KCNQ1OT1: variants seen among roughly 807,000 people sequenced by gnomAD.
KCNQ1OT1 encodes the protein KCNQ1 antisense RNA 2 (non-protein coding).
At chr11:2,662,990 CTGGCCTTGCAAATCACT>C in exon 1 of KCNQ1OT1, 1 of 398,746 alleles carries the variant, frequency 2.5e-6, no homozygotes, top group Non-Finnish European at 4.4e-6. Flanking sequence ...GGTGCAAGGC[CTGGCCTTGCAAATCACT>C]GAGGAAATCG....
chr11:2,647,616 C>T lies in KCNQ1OT1; in HGVS notation n.52379G>A. On this transcript the variant is annotated non_coding_transcript_exon_variant, in exon 1 of 1. Coordinates refer to ENST00000597346, the Ensembl canonical transcript of KCNQ1OT1. This position sits in a 1 kb window ranked among gnomAD's most constrained non-coding sequence, Gnocchi z 4.0. Reference sequence around the variant, plus strand: ...GGTTTGGTAGAATTCAGTAGAAAACCCGTGCAATCCTGAGGTTTTCTTTAC... The same window carrying T: ...GGTTTGGTAGAATTCAGTAGAAAACTCGTGCAATCCTGAGGTTTTCTTTAC... 1 of 398,496 alleles carries T rather than the reference C, an allele frequency of 2.5e-6. No homozygotes were observed. The highest frequency in any genetic ancestry group is 4.4e-6 in the Non-Finnish European group (1 of 226,034). The allele number at this position is 398,496 out of a possible 1,614,324, so 24.7% of individuals were successfully genotyped here.
At chr11:2,684,546 C>A (rs1850452245) in exon 1 of KCNQ1OT1, 1 of 398,654 alleles carries the variant, frequency 2.5e-6, no homozygotes, top group Non-Finnish European at 4.4e-6. Flanking sequence ...ATATTTGATG[C>A]TTTCTCCATG....
Position 2,612,830 on chromosome 11 carries a change from T to A in KCNQ1OT1, n.87165A>T, listed in dbSNP as rs990061777. ...CATTTTTTTTGTTAAAAACTTACTT[T>A]AGATAATATATCGTAGAAACTCTGG... On this transcript the variant is annotated non_coding_transcript_exon_variant, in exon 1 of 1. Transcript: ENST00000597346. The surrounding 1 kb of genome is among the most constrained non-coding windows in gnomAD (Gnocchi z 5.5). 2 of 398,514 alleles carry A rather than the reference T, an allele frequency of 5.0e-6. No individual in the cohort carries two copies. Among genetic ancestry groups the A allele is most frequent in the Non-Finnish European group, 8.8e-6 (2 of 226,066 alleles). The allele number at this position is 398,514 out of a possible 1,614,324, so 24.7% of individuals were successfully genotyped here.
In KCNQ1OT1 at chr11:2,665,495, C is replaced by T. The variant is rs1850050994; in HGVS notation, n.34500G>A. 4 of 395,234 alleles carry T rather than the reference C, an allele frequency of 1.0e-5. No homozygotes were observed. In the South Asian group the frequency reaches 4.0e-4, roughly 39 times the overall value. The allele number at this position is 395,234 out of a possible 1,614,324, so 24.5% of individuals were successfully genotyped here. ...GGACGGTGCCATGCCTGTGTGCATC[C>T]CTGTGCCTTGCGTGTGGTAACCTGC... On this transcript the variant is annotated non_coding_transcript_exon_variant, in exon 1 of 1. Coordinates refer to ENST00000597346, the Ensembl canonical transcript of KCNQ1OT1.
Position 2,627,183 on chromosome 11 carries a change from A to T in KCNQ1OT1, n.72812T>A. On this transcript the variant is annotated non_coding_transcript_exon_variant, in exon 1 of 1. Transcript: ENST00000597346. The surrounding 1 kb of genome is among the most constrained non-coding windows in gnomAD (Gnocchi z 4.9). ...GTTTGTTATTCTTGATGCTTTTTTCAGCTTTTATTGAGGTATAATTGACAA... is the reference window on the plus strand; with the variant it reads ...GTTTGTTATTCTTGATGCTTTTTTCTGCTTTTATTGAGGTATAATTGACAA... 1 of 398,412 alleles carries T rather than the reference A, an allele frequency of 2.5e-6. No individual in the cohort carries two copies. The highest frequency in any genetic ancestry group is 4.4e-6 in the Non-Finnish European group (1 of 226,024). The allele number at this position is 398,412 out of a possible 1,614,324, so 24.7% of individuals were successfully genotyped here.
chr11:2,632,132 G>A (rs1038576999), exon 1 of KCNQ1OT1: 5 of 385,184 alleles, frequency 1.3e-5, no homozygotes, highest in Admixed American at 4.9e-5. Context: ...GCAGTGAGCC[G>A]AGATCGCGCC....
chr11:2,634,320 TCCCCC>T (rs1195451890), exon 1 of KCNQ1OT1: 21 of 165,106 alleles, frequency 1.3e-4, no homozygotes, highest in Non-Finnish European at 1.9e-4. Flanking sequence ...CCCTCCCCCC[TCCCCC>T]CTCCCCCCCC....
exon 1 of KCNQ1OT1, chr11:2,688,148 C>T (rs747252873): frequency 8.0e-5 from 32 of 398,786 alleles, no homozygotes; most frequent in African/African-American, 2.7e-4. Flanking sequence ...AGAGACCCCA[C>T]GCAGCTCCCT....
chr11:2,621,206 G>T lies in KCNQ1OT1; in HGVS notation n.78789C>A. ...TTGGCCAGGATGGTCTCGAATACCT[G>T]ACCCCAGATGATCCACGCACCTCAG... On this transcript the variant is annotated non_coding_transcript_exon_variant, in exon 1 of 1. Coordinates refer to ENST00000597346, the Ensembl canonical transcript of KCNQ1OT1. This position sits in a 1 kb window ranked among gnomAD's most constrained non-coding sequence, Gnocchi z 5.7. 2.5e-6 allele frequency: 1 copy of T among 397,674 alleles called. No homozygotes were observed. The highest frequency in any genetic ancestry group is 1.4e-4 in the South Asian group (1 of 7,130). The allele number at this position is 397,674 out of a possible 1,614,324, so 24.6% of individuals were successfully genotyped here. A position where few individuals can be genotyped will look rare whatever the true frequency, so the allele number is the denominator to read the frequency against.
chr11:2,681,004 T>C (rs1850387757), exon 1 of KCNQ1OT1: 2 of 398,576 alleles, frequency 5.0e-6, no homozygotes, highest in Non-Finnish European at 8.8e-6. Flanking sequence ...AGGTATGTGT[T>C]CTTTTATTAT....
Position 2,617,292 on chromosome 11 carries a change from C to A in KCNQ1OT1, n.82703G>T. On this transcript the variant is annotated non_coding_transcript_exon_variant, in exon 1 of 1. Coordinates refer to ENST00000597346, the Ensembl canonical transcript of KCNQ1OT1. This position sits in a 1 kb window ranked among gnomAD's most constrained non-coding sequence, Gnocchi z 4.6. ...CTATCTCTGTATATTTGACTTTTTT[C>A]TTTTTAAGATTCTACATATAGGTGA... 1 of 398,196 alleles carries A rather than the reference C, an allele frequency of 2.5e-6. No individual in the cohort carries two copies. The highest frequency in any genetic ancestry group is 4.4e-6 in the Non-Finnish European group (1 of 225,782). The allele number at this position is 398,196 out of a possible 1,614,324, so 24.7% of individuals were successfully genotyped here. A position where few individuals can be genotyped will look rare whatever the true frequency, so the allele number is the denominator to read the frequency against.
chr11:2,649,036 A>G (rs995465815), exon 1 of KCNQ1OT1: 1 of 344,334 alleles, frequency 2.9e-6, no homozygotes, highest in African/African-American at 3.1e-5. Context: ...CTACTCCTGC[A>G]TGCTTTTGGT....
At position 2,676,534 on chromosome 11, in the gene KCNQ1OT1, A is replaced by C. The variant is rs1850298019; in HGVS notation, n.23461T>G. On this transcript the variant is annotated non_coding_transcript_exon_variant, in exon 1 of 1. Coordinates refer to ENST00000597346, the Ensembl canonical transcript of KCNQ1OT1. The surrounding 1 kb of genome is among the most constrained non-coding windows in gnomAD (Gnocchi z 4.2). Reference sequence around the variant, plus strand: ...TGGACTTGGCAAAAGGCATAGAGGTAGTGGTACAGGAAAGGTCTAAGAAGG... The same window carrying C: ...TGGACTTGGCAAAAGGCATAGAGGTCGTGGTACAGGAAAGGTCTAAGAAGG... 4 of 398,556 alleles carry C rather than the reference A, an allele frequency of 1.0e-5. No homozygotes were observed. Among genetic ancestry groups the C allele is most frequent in the East Asian group, 7.1e-5 (2 of 28,096 alleles). The allele number at this position is 398,556 out of a possible 1,614,324, so 24.7% of individuals were successfully genotyped here. A position where few individuals can be genotyped will look rare whatever the true frequency, so the allele number is the denominator to read the frequency against.
At chr11:2,686,080 C>T (rs1850484999) in exon 1 of KCNQ1OT1, 1 of 399,038 alleles carries the variant, frequency 2.5e-6, no homozygotes. Context: ...ACAGGGCCAG[C>T]ATTGAGTAGG....
Position 2,620,880 on chromosome 11 carries a change from C to T in KCNQ1OT1, n.79115G>A, listed in dbSNP as rs886461193. 1 of 397,334 alleles carries T rather than the reference C, an allele frequency of 2.5e-6. No individual in the cohort carries two copies. The highest frequency in any genetic ancestry group is 2.1e-5 in the African/African-American group (1 of 48,370). 24.6% of individuals were successfully genotyped at this position (397,334 alleles called of 1,614,324 possible). ...ATTTTTTTGACTTTTTAATAATTGC[C>T]ATTCTGACTGGTGTGAGATGGCATC... is the stretch of plus-strand genomic sequence containing the variant. On this transcript the variant is annotated non_coding_transcript_exon_variant, in exon 1 of 1. Transcript: ENST00000597346. This position sits in a 1 kb window ranked among gnomAD's most constrained non-coding sequence, Gnocchi z 4.5.
In KCNQ1OT1 at chr11:2,668,163, C is replaced by T; in HGVS notation, n.31832G>A. ...GCTGAAGGGAGAGTGCTCCCTCATG[C>T]TCCTTGCTGACTGGTGCTCCATTGT... On this transcript the variant is annotated non_coding_transcript_exon_variant, in exon 1 of 1. Transcript: ENST00000597346. This position sits in a 1 kb window ranked among gnomAD's most constrained non-coding sequence, Gnocchi z 4.3. 2.5e-6 allele frequency: 1 copy of T among 398,652 alleles called. No homozygotes were observed. The highest frequency in any genetic ancestry group is 4.4e-6 in the Non-Finnish European group (1 of 226,088). 24.7% of individuals were successfully genotyped at this position (398,652 alleles called of 1,614,324 possible). A position where few individuals can be genotyped will look rare whatever the true frequency, so the allele number is the denominator to read the frequency against.
At position 2,695,229 on chromosome 11, in the gene KCNQ1OT1, C is replaced by T. The variant is rs944289197; in HGVS notation, n.4766G>A. ...CCTGTAAGGGTCTGCATAAAGTCAC[C>T]GCTCTCTTCCTCTCCATGCTTTTCC... is the stretch of plus-strand genomic sequence containing the variant. On this transcript the variant is annotated non_coding_transcript_exon_variant, in exon 1 of 1. Coordinates refer to ENST00000597346, the Ensembl canonical transcript of KCNQ1OT1. This position sits in a 1 kb window ranked among gnomAD's most constrained non-coding sequence, Gnocchi z 5.2. 3.5e-5 allele frequency: 14 copies of T among 398,440 alleles called. No individual in the cohort carries two copies. The highest frequency in any genetic ancestry group is 6.2e-4 in the Middle Eastern group (1 of 1,608). 24.7% of individuals were successfully genotyped at this position (398,440 alleles called of 1,614,324 possible).
exon 1 of KCNQ1OT1, chr11:2,616,490 T>C: frequency 2.5e-6 from 1 of 397,938 alleles, no homozygotes; most frequent in Non-Finnish European, 4.4e-6. Context: ...TATTAGGTTA[T>C]GGATCCTTCT....
chr11:2,689,386 G>T, exon 1 of KCNQ1OT1: 1 of 398,736 alleles, frequency 2.5e-6, no homozygotes, highest in Admixed American at 4.4e-5. Context: ...GAGTGGGGTG[G>T]AAGAAGCCCA....
Sources: allele counts gnomAD v4.1 joint callset, GRCh38; gene constraint gnomAD v4.1.1; non-coding constraint Gnocchi (gnomAD v3.1); transcripts MANE v1.5; gene names NCBI Gene and HGNC (gene_info 2026-07-23, HGNC 2026-07-21).